LTBP1: variants seen among roughly 807,000 people sequenced by gnomAD.
The protein encoded by LTBP1 is latent-transforming growth factor beta-binding protein 1.
A neutral mutation model predicts 207.6 loss-of-function variants in LTBP1; 129 were observed. The observed-to-expected ratio is 0.62, with a 90% CI of 0.54 to 0.72. The LOEUF (loss-of-function observed/expected upper bound fraction) is 0.72. Ranked by LOEUF, LTBP1 falls within the 30% of genes least tolerant of loss-of-function variation. The probability of loss-of-function intolerance (pLI) is 0.00; values close to 1 mark genes in which losing one functional copy is unlikely to be tolerated. For synonymous variants in LTBP1, 963 were observed against 833.7 expected (o/e 1.16, Z -2.67); for missense variants, 2,281 against 2,217.2 (o/e 1.03, Z -0.58).
At chr2:33,003,118 A>G (rs975667370) in intron 2 of LTBP1, among the ~76,000 whole-genome samples, 2 of 152,224 alleles carry the variant, frequency 1.3e-5, no homozygotes, top group African/African-American at 4.8e-5. Context: ...GGGTTCTGTT[A>G]AAATGGGGTC....
intron 7 of LTBP1, among the ~76,000 whole-genome samples, chr2:33,199,753 A>T (rs1490629369): frequency 3.9e-5 from 6 of 152,202 alleles, no homozygotes; most frequent in South Asian, 2.1e-4. Context: ...AATCTCCTTA[A>T]GCTGATAAGC....
At chr2:33,383,491 T>C (rs1264473959) in intron 31 of LTBP1, among the ~76,000 whole-genome samples, 1 of 152,230 alleles carries the variant, frequency 6.6e-6, no homozygotes, top group African/African-American at 2.4e-5. Context: ...TGTTTAAACC[T>C]GTAAGAAAAA....
chr2:32,976,184 G>T (rs1442534209), intron 2 of LTBP1, among the ~76,000 whole-genome samples: 1 of 152,188 alleles, frequency 6.6e-6, no homozygotes, highest in Non-Finnish European at 1.5e-5. Context: ...ATTCTGTGGG[G>T]CTGGTATGGG....
At chr2:33,029,418 A>C (rs889027547) in intron 3 of LTBP1, among the ~76,000 whole-genome samples, 4 of 152,238 alleles carry the variant, frequency 2.6e-5, no homozygotes, top group African/African-American at 9.6e-5. Flanking sequence ...TGGAGGTTGC[A>C]GTGGGCTGAG....
At chr2:33,288,414 C>T (rs2093707305) in intron 19 of LTBP1, among the ~76,000 whole-genome samples, 1 of 152,196 alleles carries the variant, frequency 6.6e-6, no homozygotes, top group South Asian at 2.1e-4. Context: ...AAAGGTTCTT[C>T]ACCCAGATGA....
chr2:33,356,856 C>G (rs1019576946), intron 26 of LTBP1, among the ~76,000 whole-genome samples: 1 of 152,138 alleles, frequency 6.6e-6, no homozygotes, highest in Non-Finnish European at 1.5e-5. Context: ...AAGTAATTTA[C>G]TGAACATCAT....
chr2:33,031,110 C>G (rs183238988), intron 3 of LTBP1, among the ~76,000 whole-genome samples: 1 of 152,064 alleles, frequency 6.6e-6, no homozygotes, highest in Admixed American at 6.5e-5. Flanking sequence ...TTTTTATGCT[C>G]AAATTTGGAA....
chr2:33,195,636 G>A (rs947317612), intron 7 of LTBP1, among the ~76,000 whole-genome samples: 1 of 152,146 alleles, frequency 6.6e-6, no homozygotes, highest in African/African-American at 2.4e-5. Context: ...TCGACTCCTG[G>A]TGTAGATGCT....
chr2:33,340,896 T>C (rs1170268837), intron 24 of LTBP1, among the ~76,000 whole-genome samples: 2 of 152,180 alleles, frequency 1.3e-5, no homozygotes, highest in Admixed American at 1.3e-4. Context: ...ATAAAGACAA[T>C]GAGTATAGAC....
intron 3 of LTBP1, among the ~76,000 whole-genome samples, chr2:33,035,463 C>T (rs1331810542): frequency 6.6e-6 from 1 of 152,058 alleles, no homozygotes; most frequent in African/African-American, 2.4e-5. Flanking sequence ...ATTTTAAATC[C>T]GGAAAAGAGA....
intron 25 of LTBP1, among the ~76,000 whole-genome samples, chr2:33,346,361 G>C (rs2094701138): frequency 6.6e-6 from 1 of 152,190 alleles, no homozygotes; most frequent in Admixed American, 6.5e-5. Flanking sequence ...TTACTGAAGT[G>C]TCAGTGATTC....
intron 9 of LTBP1, among the ~76,000 whole-genome samples, chr2:33,231,114 G>A (rs1029032502): frequency 6.6e-6 from 1 of 152,286 alleles, no homozygotes; most frequent in East Asian, 1.9e-4. Context: ...CCTGCCCTTA[G>A]AATTTAGTGT....
intron 4 of LTBP1, among the ~76,000 whole-genome samples, chr2:33,121,984 T>C (rs759244990): frequency 2.6e-5 from 4 of 152,062 alleles, no homozygotes; most frequent in Non-Finnish European, 5.9e-5. Context: ...ACATGGTAAA[T>C]CGTATAATAT....
At chr2:32,976,200 C>T (rs1681750841) in intron 2 of LTBP1, among the ~76,000 whole-genome samples, 1 of 152,308 alleles carries the variant, frequency 6.6e-6, no homozygotes, top group South Asian at 2.1e-4. Flanking sequence ...ATGGGGCCCC[C>T]AGCTTTGTTC....
chr2:33,118,625 C>T (rs1001629401), intron 4 of LTBP1, among the ~76,000 whole-genome samples: 1 of 152,214 alleles, frequency 6.6e-6, no homozygotes, highest in South Asian at 2.1e-4. Flanking sequence ...CATGTACAGA[C>T]TGACACCTGA....
intron 5 of LTBP1, among the ~76,000 whole-genome samples, chr2:33,140,653 T>C (rs1236652485): frequency 6.9e-6 from 1 of 145,872 alleles, no homozygotes; most frequent in Non-Finnish European, 1.5e-5. Context: ...TATTTATTTA[T>C]TTTATTAATT....
chr2:33,185,786 C>T (rs10170803), intron 5 of LTBP1, among the ~76,000 whole-genome samples: 9,068 of 152,134 alleles, frequency 0.06, 793 homozygotes, highest in African/African-American at 0.19. Context: ...TAAACCGGCC[C>T]AAGATAGATT....
chr2:32,977,149 C>T (rs1473931869), intron 2 of LTBP1, among the ~76,000 whole-genome samples: 1 of 152,236 alleles, frequency 6.6e-6, no homozygotes, highest in Admixed American at 6.5e-5. Context: ...CAGGCATGGC[C>T]TGCCTGGCTA....
chr2:33,376,996 A>G lies in LTBP1; in HGVS notation c.4711+11493A>G, dbSNP rs969501519. On this transcript the variant is annotated intron_variant, in intron 31 of 33. Transcript: ENST00000404816. ...GTTTGGGCAGGTGCATTGGAAGGAA[A>G]GAAAGCAATGGGCAAGGAAGCCACA... Among the ~76,000 whole-genome samples, 4 of 152,242 alleles carry G rather than the reference A, an allele frequency of 2.6e-5. 1 individual carries two copies. In the East Asian group the frequency reaches 7.7e-4, roughly 29 times the overall value.
Sources: gnomAD v4.1 joint callset for allele counts (sites outside exome capture counted in the v4.1 genomes callset) on GRCh38, gnomAD v4.1.1 for gene constraint, MANE v1.5 for transcripts, NCBI Gene and HGNC (gene_info 2026-07-23, HGNC 2026-07-21) for gene names.